Variants in PACS1 observed in about 807,000 individuals in gnomAD.
PACS1 encodes the protein phosphofurin acidic cluster sorting protein 1, also known as PACS-1.
In PACS1, 24 loss-of-function variants were observed where a neutral mutation model predicts 115.0. The observed-to-expected ratio is 0.21, with a 90% CI of 0.15 to 0.29. The LOEUF (loss-of-function observed/expected upper bound fraction) is 0.29, where lower values mean the gene tolerates loss of function less well. Among genes scored for constraint, PACS1 ranks in the 10% least tolerant of loss-of-function variants. The probability of loss-of-function intolerance (pLI) is 1.00; values close to 1 mark genes in which losing one functional copy is unlikely to be tolerated. For synonymous variants in PACS1, 453 were observed against 504.5 expected (o/e 0.90, Z 1.37); for missense variants, 838 against 1,251.2 (o/e 0.67, Z 4.98).
At chr11:66,130,259 C>T (rs1368647263) in intron 1 of PACS1, among the ~76,000 whole-genome samples, 1 of 151,986 alleles carries the variant, frequency 6.6e-6, no homozygotes, top group Non-Finnish European at 1.5e-5. Context: ...ATGTTGGCCT[C>T]CTCCCTCCCT....
chr11:66,216,870 A>T (rs763798934), intron 7 of PACS1, 95 bp downstream of exon 7: 1 of 625,958 alleles, frequency 1.6e-6, no homozygotes, highest in South Asian at 1.8e-5. Context: ...GACTTCTTAA[A>T]ATCAACACAG....
chr11:66,222,555 G>A (rs530904754), intron 10 of PACS1, among the ~76,000 whole-genome samples: 1 of 152,244 alleles, frequency 6.6e-6, no homozygotes, highest in African/African-American at 2.4e-5. Context: ...TTGTCGCGAT[G>A]TGAGTGCCCA....
intron 7 of PACS1, among the ~76,000 whole-genome samples, chr11:66,219,060 G>C (rs999847006): frequency 1.3e-4 from 20 of 152,030 alleles, no homozygotes; most frequent in African/African-American, 4.3e-4. Context: ...ACTTCTAGTC[G>C]GAGGGTAGCA....
At chr11:66,157,954 C>T (rs1371612383) in intron 1 of PACS1, among the ~76,000 whole-genome samples, 1 of 152,036 alleles carries the variant, frequency 6.6e-6, no homozygotes, top group Non-Finnish European at 1.5e-5. Context: ...TTCTAGTTAG[C>T]TCTTTAGCAC....
At chr11:66,157,005 T>G (rs1012077754) in intron 1 of PACS1, among the ~76,000 whole-genome samples, 18 of 152,218 alleles carry the variant, frequency 1.2e-4, no homozygotes, top group Admixed American at 1.1e-3. Flanking sequence ...GATGTTCTTC[T>G]AGGAAGAATG....
At position 66,235,326 on chromosome 11, in the gene PACS1, G is replaced by A; in HGVS notation, c.2130G>A (p.Val710=). The A allele has an allele frequency of 7.4e-6, 12 of 1,613,988 alleles. No individual in the cohort carries two copies. Among genetic ancestry groups the A allele is most frequent in the Non-Finnish European group, 1.0e-5 (12 of 1,179,886 alleles). ...VSEQLDVAGR[V]MQYVNGAATT... ...AGCAACTGGACGTGGCAGGGCGGGT[G>A]ATGCAGTACGTCAACGGGGCAGCCA... is the stretch of plus-strand genomic sequence containing the variant. Residue 710 remains valine (V), a synonymous_variant, in exon 18 of 24, where the codon GTG becomes GTA. Coordinates refer to ENST00000320580, the MANE Select transcript of PACS1 (RefSeq NM_018026.4). This position sits in a 1 kb window ranked among gnomAD's most constrained non-coding sequence, Gnocchi z 5.6.
intron 14 of PACS1, 60 bp from the exon 15 acceptor site, chr11:66,232,900 C>A (rs748489243): frequency 1.7e-5 from 22 of 1,285,396 alleles, no homozygotes; most frequent in Non-Finnish European, 1.0e-5. Flanking sequence ...GCCTCTTGGC[C>A]CTTGTGAAGG....
intron 1 of PACS1, among the ~76,000 whole-genome samples, chr11:66,093,924 A>G (rs1464581388): frequency 6.6e-6 from 1 of 152,174 alleles, no homozygotes; most frequent in East Asian, 1.9e-4. Context: ...ATGGAAACTG[A>G]ACAACCTGCT....
intron 1 of PACS1, among the ~76,000 whole-genome samples, chr11:66,093,692 G>A (rs926634661): frequency 1.6e-4 from 24 of 150,218 alleles, no homozygotes; most frequent in African/African-American, 3.4e-4. Context: ...TGCACCAAGC[G>A]GACCTAATAG....
rs1318871902 is a variant in PACS1, at chr11:66,241,738, G to T, written c.2656+85G>T. On this transcript the variant is annotated intron_variant, in intron 22 of 23. Coordinates refer to ENST00000320580, the MANE Select transcript of PACS1 (RefSeq NM_018026.4). ...AGGGCCTGGGAATAAATCTGCTTTTGGGATATTTGGGATGAAGAAGCATCC... is the reference window on the plus strand; with the variant it reads ...AGGGCCTGGGAATAAATCTGCTTTTTGGATATTTGGGATGAAGAAGCATCC... 1.6e-5 allele frequency: 17 copies of T among 1,095,532 alleles called. No homozygotes were observed. In the East Asian group the frequency reaches 3.7e-4, roughly 24 times the overall value. 67.9% of individuals were successfully genotyped at this position (1,095,532 alleles called of 1,614,324 possible).
intron 17 of PACS1, among the ~76,000 whole-genome samples, chr11:66,234,783 G>A (rs185314119): frequency 6.6e-6 from 1 of 152,220 alleles, no homozygotes; most frequent in East Asian, 1.9e-4. Flanking sequence ...AGGCTGAGGT[G>A]GGAGAATTGC....
chr11:66,099,468 C>T (rs1312961920), intron 1 of PACS1, among the ~76,000 whole-genome samples: 2 of 152,246 alleles, frequency 1.3e-5, no homozygotes, highest in South Asian at 4.2e-4. Flanking sequence ...TCGTGATCCA[C>T]CCTCCTCGGC....
chr11:66,120,094 T>C (rs1049077008), intron 1 of PACS1, among the ~76,000 whole-genome samples: 6 of 151,790 alleles, frequency 4.0e-5, no homozygotes, highest in Non-Finnish European at 8.8e-5. Context: ...TTAAAACTCT[T>C]GGCACTAATA....
chr11:66,134,238 T>C (rs1306479487), intron 1 of PACS1, among the ~76,000 whole-genome samples: 3 of 117,338 alleles, frequency 2.6e-5, no homozygotes, highest in Non-Finnish European at 3.6e-5. Context: ...TTAAATTTCT[T>C]TTTCTTTTTC....
rs995060409 is a variant in PACS1, at chr11:66,151,954, C to T, written c.357-41532C>T. Among the ~76,000 whole-genome samples the T allele has an allele frequency of 3.9e-4, 60 of 152,104 alleles. 2 individuals are homozygous for T. The highest frequency in any genetic ancestry group is 3.8e-3 in the Admixed American group (58 of 15,262). ...GCTGAAATAAAAACTCACTGGAGGC[C>T]GGGTGCAGTGGCTTACACCTATAAT... On this transcript the variant is annotated intron_variant, in intron 1 of 23. Coordinates refer to ENST00000320580, the MANE Select transcript of PACS1 (RefSeq NM_018026.4).
chr11:66,171,466 T>G (rs1244216944), intron 1 of PACS1, among the ~76,000 whole-genome samples: 1 of 150,372 alleles, frequency 6.7e-6, no homozygotes, highest in Non-Finnish European at 1.5e-5. Flanking sequence ...AACTTATGCT[T>G]TCTATTTGTT....
chr11:66,081,645 C>T lies in PACS1; in HGVS notation c.356+10803C>T, dbSNP rs970606227. 2.0e-4 allele frequency among the ~76,000 whole-genome samples: 31 copies of T among 152,144 alleles called. 1 individual carries two copies. The highest frequency in any genetic ancestry group is 7.0e-4 in the African/African-American group (29 of 41,416). ...TCGGGATCCTGTTTCTACATCCTGC[C>T]AGCTTATATGAACGGAAGAGATGGT... On this transcript the variant is annotated intron_variant, in intron 1 of 23. Coordinates refer to ENST00000320580, the MANE Select transcript of PACS1 (RefSeq NM_018026.4).
chr11:66,231,594 T>TTGTCAGTGTGGCCTCCTGAGCTCCA (rs1473029920), intron 13 of PACS1, among the ~76,000 whole-genome samples: 12 of 152,168 alleles, frequency 7.9e-5, no homozygotes, highest in Admixed American at 2.6e-4. Context: ...ACCAAGTGCA[T>TTGTCAGTGTGGCCTCCTGAGCTCCA]TGTCAGTGTG....
chr11:66,126,278 G>C (rs1590761842), intron 1 of PACS1, among the ~76,000 whole-genome samples: 1 of 152,090 alleles, frequency 6.6e-6, no homozygotes. Context: ...CCTTGTTTTG[G>C]GCTTTACTTT....
Sources: allele counts gnomAD v4.1 joint callset (sites outside exome capture counted in the v4.1 genomes callset), GRCh38; gene constraint gnomAD v4.1.1; non-coding constraint Gnocchi (gnomAD v3.1); transcripts MANE v1.5; gene names NCBI Gene and HGNC (gene_info 2026-07-23, HGNC 2026-07-21).